The following IQCH variants were observed in gnomAD, a reference collection of about 807,000 sequenced individuals.
The protein encoded by IQCH is IQ motif containing H, also known as IQ domain-containing protein H.
A neutral mutation model predicts 117.0 loss-of-function variants in IQCH; 98 were observed. The ratio of observed to expected loss-of-function variants is 0.84; its 90% CI spans 0.71 to 0.99. The LOEUF (loss-of-function observed/expected upper bound fraction) is 0.99, where lower values mean the gene tolerates loss of function less well. Among genes scored for constraint, IQCH ranks in the 50% least tolerant of loss-of-function variants. The pLI is 0.00. For missense variants in IQCH, 1,102 were observed against 1,243.8 expected, an observed-to-expected ratio of 0.89 and a Z score of 1.72; for synonymous variants, 412 against 448.2, an observed-to-expected ratio of 0.92 and a Z score of 1.02.
At chr15:67,451,878 T>C (rs1202440711) in intron 16 of IQCH, among the ~76,000 whole-genome samples, 1 of 152,342 alleles carries the variant, frequency 6.6e-6, no homozygotes, top group Non-Finnish European at 1.5e-5. Context: ...TGTAGGTCAC[T>C]AAGGACTTGC....
intron 4 of IQCH, among the ~76,000 whole-genome samples, chr15:67,285,665 C>T (rs140514592): frequency 5.8e-4 from 88 of 152,284 alleles, no homozygotes; most frequent in African/African-American, 2.0e-3. Flanking sequence ...CAGTCTTCTG[C>T]ATATGGCTAA....
chr15:67,490,143 T>C lies in IQCH; in HGVS notation c.2861+79T>C. ...CAACTAACAAGAATGATGCTTCTCA[T>C]GCATTTTAATCAGCATGCTGATTTA... On this transcript the variant is annotated intron_variant, in intron 19 of 20. Transcript: ENST00000335894. This position sits in a 1 kb window ranked among gnomAD's most constrained non-coding sequence, Gnocchi z 4.9. 1.1e-6 allele frequency: 1 copy of C among 923,472 alleles called. No homozygotes were observed. The highest frequency in any genetic ancestry group is 1.4e-5 in the South Asian group (1 of 72,486). 57.2% of individuals were successfully genotyped at this position (923,472 alleles called of 1,614,324 possible). A position where few individuals can be genotyped will look rare whatever the true frequency, so the allele number is the denominator to read the frequency against.
Position 67,465,293 on chromosome 15 carries a change from T to C in IQCH, c.2672T>C (p.Met891Thr). ...KKTKCMSALS[M>T]PMLATSRYAV... ...ACCAAATGCATGAGTGCGCTGTCAA[T>C]GCCGGTAAGCAAGAGGTGCTTCCTG... The change falls in exon 17 of 21, where the codon ATG becomes ACG. Residue 891 changes from methionine (M) to threonine (T), a missense_variant. Met to Thr is a moderately conservative substitution (Grantham distance 81, BLOSUM62 -1). Around this residue, in one of 2 missense-constraint regions of IQCH, gnomAD observed 650 missense variants for 794.3 expected, o/e 0.82. Transcript: ENST00000335894. The surrounding 1 kb of genome is among the most constrained non-coding windows in gnomAD (Gnocchi z 5.9). The C allele has an allele frequency of 6.2e-7, 1 of 1,612,896 alleles. No individual in the cohort carries two copies. The highest frequency in any genetic ancestry group is 8.5e-7 in the Non-Finnish European group (1 of 1,179,864).
rs2081591848 is a variant in IQCH at position 67,416,910 on chromosome 15, C to G, written c.2098-21C>G. On this transcript the variant is annotated intron_variant, in intron 14 of 20. Coordinates refer to ENST00000335894, the MANE Select transcript of IQCH (RefSeq NM_001031715.3). This position sits in a 1 kb window ranked among gnomAD's most constrained non-coding sequence, Gnocchi z 5.1. ...TTCTGTAGTAAAATTGCTTGTGGTT[C>G]TATTTAATTTGTTTCTGCAGGAGCC... The G allele has an allele frequency of 2.6e-6, 4 of 1,554,102 alleles. 1 individual carries two copies. In the East Asian group the frequency reaches 9.5e-5, roughly 37 times the overall value.
intron 10 of IQCH, among the ~76,000 whole-genome samples, chr15:67,377,034 T>C (rs2140805745): frequency 6.6e-6 from 1 of 151,334 alleles, no homozygotes; most frequent in Non-Finnish European, 1.5e-5. Context: ...GGAGAATCGC[T>C]TGAACCTGGG....
intron 17 of IQCH, among the ~76,000 whole-genome samples, chr15:67,469,886 G>C (rs1414102398): frequency 6.6e-6 from 1 of 152,208 alleles, no homozygotes; most frequent in Non-Finnish European, 1.5e-5. Flanking sequence ...ACCTCGGCCT[G>C]TGTTTAACTG....
In IQCH at chr15:67,475,801, AT is replaced by A; in HGVS notation, c.2784del (p.Ile928MetfsTer19). The A allele has an allele frequency of 6.2e-7, 1 of 1,614,084 alleles. No homozygotes were observed. The highest frequency in any genetic ancestry group is 8.5e-7 in the Non-Finnish European group (1 of 1,179,960). ...VFLQICRAHG[I>X]GYDVEERQGT... ...TCTCCAGATCTGTAGGGCCCATGGC[AT>A]TGGCTATGATGTTGAGGTATGAAGG... On this transcript the variant is annotated frameshift_variant, in exon 18 of 21. Coordinates refer to ENST00000335894, the MANE Select transcript of IQCH (RefSeq NM_001031715.3). LOFTEE classifies it high-confidence loss of function. This position sits in a 1 kb window ranked among gnomAD's most constrained non-coding sequence, Gnocchi z 5.7.
chr15:67,404,229 T>G lies in IQCH; in HGVS notation c.2097+3924T>G, dbSNP rs1043634544. The G allele has an allele frequency of 6.6e-6, 1 of 152,124 alleles. No homozygotes were observed. Among genetic ancestry groups the G allele is most frequent in the Non-Finnish European group, 1.5e-5 (1 of 68,014 alleles). The allele number at this position is 152,124 out of a possible 1,614,324, so 9.4% of individuals were successfully genotyped here. A position where few individuals can be genotyped will look rare whatever the true frequency, so the allele number is the denominator to read the frequency against. On this transcript the variant is annotated intron_variant, in intron 14 of 20. Transcript: ENST00000335894. This position sits in a 1 kb window ranked among gnomAD's most constrained non-coding sequence, Gnocchi z 4.6. ...GGAGAAGAACTATGCCTGGAAAAGG[T>G]AGAATAAACCACAGTTGTTTTGCCT...
At chr15:67,331,860 A>G (rs1968680660) in intron 4 of IQCH, among the ~76,000 whole-genome samples, 1 of 152,216 alleles carries the variant, frequency 6.6e-6, no homozygotes, top group Non-Finnish European at 1.5e-5. Flanking sequence ...AGTACTGCCA[A>G]GCACTCTGAG....
chr15:67,254,831 T>C lies in IQCH; in HGVS notation c.-66T>C, dbSNP rs544092628. ...CGGTGTTGCCATGGGGACGAGCGGC[T>C]CCGGCTGAAGGTTTCCGTGCTTGGA... On this transcript the variant is annotated 5_prime_UTR_variant, in exon 1 of 21. Transcript: ENST00000335894. 419 of 1,539,162 alleles carry C rather than the reference T, an allele frequency of 2.7e-4. No homozygotes were observed. Among genetic ancestry groups the C allele is most frequent in the East Asian group, 2.7e-3 (112 of 42,246 alleles).
At chr15:67,272,001 A>C (rs1306942685) in intron 3 of IQCH, among the ~76,000 whole-genome samples, 1 of 151,944 alleles carries the variant, frequency 6.6e-6, no homozygotes. Flanking sequence ...CTGGAGGTGC[A>C]TCATTAGGTT....
chr15:67,451,751 A>T (rs2082533827), intron 16 of IQCH, among the ~76,000 whole-genome samples: 1 of 152,170 alleles, frequency 6.6e-6, no homozygotes, highest in African/African-American at 2.4e-5. Context: ...TGCTTGGTGC[A>T]GAGCTGAGTT....
rs2082666262 is a variant in IQCH, at chr15:67,456,750, T to C, written c.2506-8377T>C. Among the ~76,000 whole-genome samples, 1 of 152,112 alleles carries C rather than the reference T, an allele frequency of 6.6e-6. No homozygotes were observed. The highest frequency in any genetic ancestry group is 1.5e-5 in the Non-Finnish European group (1 of 68,028). The stretch of plus-strand genomic sequence containing the variant: ...GGAACTCCCAAATATGGATTTTGGA[T>C]TTTTTTCAGAATCCAAAAGTTTTGA... On this transcript the variant is annotated intron_variant, in intron 16 of 20. Transcript: ENST00000335894. This position sits in a 1 kb window ranked among gnomAD's most constrained non-coding sequence, Gnocchi z 5.1.
At chr15:67,267,159 A>G (rs1367545766) in intron 3 of IQCH, among the ~76,000 whole-genome samples, 1 of 152,232 alleles carries the variant, frequency 6.6e-6, no homozygotes, top group Admixed American at 6.5e-5. Context: ...TGAATATTGA[A>G]TGGTAGTACA....
rs2081995727 is a variant in IQCH at position 67,430,447 on chromosome 15, T to G, written c.2505+8870T>G. 6.6e-6 allele frequency: 1 copy of G among 152,232 alleles called. No homozygotes were observed. 9.4% of individuals were successfully genotyped at this position (152,232 alleles called of 1,614,324 possible). ...CTTCTGTATCATGACAAAGCTTATT[T>G]CATATCCATCGTCCCATTTTATTTG... On this transcript the variant is annotated intron_variant, in intron 16 of 20. Coordinates refer to ENST00000335894, the MANE Select transcript of IQCH (RefSeq NM_001031715.3). The surrounding 1 kb of genome is among the most constrained non-coding windows in gnomAD (Gnocchi z 5.1).
chr15:67,468,563 T>G (rs759880036), intron 17 of IQCH, among the ~76,000 whole-genome samples: 2 of 152,228 alleles, frequency 1.3e-5, no homozygotes, highest in Non-Finnish European at 2.9e-5. Flanking sequence ...TGAGGCTAAA[T>G]AAGCAACACA....
At chr15:67,337,680 G>A (rs1968957082) in intron 5 of IQCH, among the ~76,000 whole-genome samples, 1 of 152,108 alleles carries the variant, frequency 6.6e-6, no homozygotes, top group Non-Finnish European at 1.5e-5. Flanking sequence ...ATAAGCAAGC[G>A]AGTGACCAAA....
chr15:67,474,727 T>C lies in IQCH; in HGVS notation c.2677-969T>C, dbSNP rs1213295075. 6.6e-6 allele frequency among the ~76,000 whole-genome samples: 1 copy of C among 152,046 alleles called. No individual in the cohort carries two copies. The highest frequency in any genetic ancestry group is 1.5e-5 in the Non-Finnish European group (1 of 68,006). ...TGCCCAGTGACTTGCTGCCAAAGGT[T>C]AAAGTATGGGAAGAGTGGGAAAATA... On this transcript the variant is annotated intron_variant, in intron 17 of 20. Transcript: ENST00000335894. The surrounding 1 kb of genome is among the most constrained non-coding windows in gnomAD (Gnocchi z 4.1).
intron 5 of IQCH, among the ~76,000 whole-genome samples, chr15:67,341,164 A>T (rs968756749): frequency 1.3e-5 from 2 of 152,222 alleles, no homozygotes. Flanking sequence ...GTGAACTGAG[A>T]TCATGCCACT....
Sources: allele counts gnomAD v4.1 joint callset (sites outside exome capture counted in the v4.1 genomes callset), GRCh38; gene constraint gnomAD v4.1.1; regional missense constraint gnomAD v4.1.1; non-coding constraint Gnocchi (gnomAD v3.1); transcripts MANE v1.5; gene names NCBI Gene and HGNC (gene_info 2026-07-23, HGNC 2026-07-21).